IPO9: variants seen among roughly 807,000 people sequenced by gnomAD.
IPO9 encodes the protein importin 9.
IPO9 carries 28 observed loss-of-function variants against 128.6 expected under a neutral mutation model. That is an observed-to-expected ratio of 0.22 (90% confidence interval 0.16 to 0.30). IPO9 has a LOEUF of 0.30. Among genes scored for constraint, IPO9 ranks in the 10% least tolerant of loss-of-function variants. IPO9 has a pLI of 1.00. For synonymous variants in IPO9, 455 were observed against 475.8 expected (o/e 0.96, Z 0.57); for missense variants, 935 against 1,293.9 (o/e 0.72, Z 4.26).
chr1:201,875,301 C>G, intron 23 of IPO9, 73 bp downstream of exon 23: 1 of 1,311,630 alleles, frequency 7.6e-7, no homozygotes, highest in Non-Finnish European at 1.1e-6. Flanking sequence ...GGCTCAAATC[C>G]ATTTATAGCC....
At chr1:201,858,045 CATT>C (rs1680367440) in intron 11 of IPO9, among the ~76,000 whole-genome samples, 1 of 152,198 alleles carries the variant, frequency 6.6e-6, no homozygotes, top group Admixed American at 6.5e-5. Context: ...AATCACTTCT[CATT>C]ATCATTTAGT....
chr1:201,863,406 A>G, intron 13 of IPO9, 42 bp from the exon 14 acceptor site: 1 of 1,504,046 alleles, frequency 6.6e-7, no homozygotes, highest in Non-Finnish European at 9.0e-7. Flanking sequence ...AGTAAAAGGA[A>G]TTTTCATTTT....
chr1:201,867,102 TA>T, intron 15 of IPO9, 143 bp downstream of exon 15: 1 of 664,806 alleles, frequency 1.5e-6, no homozygotes, highest in East Asian at 2.7e-5. Context: ...GGCTTTCAAT[TA>T]GCAAAAAATA....
chr1:201,838,332 G>A (rs1389331369), intron 1 of IPO9, among the ~76,000 whole-genome samples: 1 of 152,184 alleles, frequency 6.6e-6, no homozygotes, highest in Non-Finnish European at 1.5e-5. Context: ...GATTTCACAT[G>A]TGCATTTTAG....
chr1:201,830,301 T>C (rs1679809485), intron 1 of IPO9, among the ~76,000 whole-genome samples: 1 of 152,210 alleles, frequency 6.6e-6, no homozygotes, highest in Non-Finnish European at 1.5e-5. Flanking sequence ...ACTTAAATAC[T>C]TCATCAGAGA....
chr1:201,870,902 A>G lies in IPO9; in HGVS notation c.2409+44A>G. ...GTGGGCTTCCTACTCCCTGGCTGAT[A>G]GAAATGAAAATTCGTATTTTGGTCC... On this transcript the variant is annotated intron_variant, in intron 18 of 23. Coordinates refer to ENST00000361565, the MANE Select transcript of IPO9 (RefSeq NM_018085.5). The surrounding 1 kb of genome is among the most constrained non-coding windows in gnomAD (Gnocchi z 4.9). 1.3e-6 allele frequency: 2 copies of G among 1,550,814 alleles called. No individual in the cohort carries two copies. The highest frequency in any genetic ancestry group is 1.7e-6 in the Non-Finnish European group (2 of 1,153,736).
intron 13 of IPO9, among the ~76,000 whole-genome samples, chr1:201,860,774 T>C (rs1680429099): frequency 6.6e-6 from 1 of 152,198 alleles, no homozygotes; most frequent in Admixed American, 6.5e-5. Flanking sequence ...TGAGTTGTTT[T>C]TAAAATAAAA....
chr1:201,835,719 C>A (rs147690285), intron 1 of IPO9, among the ~76,000 whole-genome samples: 1 of 152,130 alleles, frequency 6.6e-6, no homozygotes, highest in African/African-American at 2.4e-5. Context: ...CAAAATAAAG[C>A]GGATATTTAT....
Position 201,882,474 on chromosome 1 carries a change from TAA to T in IPO9, c.*6421_*6422del, listed in dbSNP as rs1475797004. ...AAAAAAAAAACAAGTTTTGTGAATTTAAGTTTCCCTAATGGATGGTACAGGTC... is the reference window on the plus strand; with the variant it reads ...AAAAAAAAAACAAGTTTTGTGAATTTGTTTCCCTAATGGATGGTACAGGTC... On this transcript the variant is annotated 3_prime_UTR_variant, in exon 24 of 24. Coordinates refer to ENST00000361565, the MANE Select transcript of IPO9 (RefSeq NM_018085.5). 6.6e-6 allele frequency: 1 copy of T among 151,078 alleles called. No individual in the cohort carries two copies. The highest frequency in any genetic ancestry group is 2.4e-5 in the African/African-American group (1 of 41,126). The allele number at this position is 151,078 out of a possible 1,614,324, so 9.4% of individuals were successfully genotyped here. A position where few individuals can be genotyped will look rare whatever the true frequency, so the allele number is the denominator to read the frequency against.
intron 4 of IPO9, chr1:201,850,310 C>T (rs942863846): frequency 2.0e-5 from 3 of 152,174 alleles, no homozygotes; most frequent in South Asian, 2.1e-4. Context: ...AAAACTTAGG[C>T]ATGCATGAAG....
intron 1 of IPO9, among the ~76,000 whole-genome samples, chr1:201,836,916 TAAC>T (rs1258834646): frequency 1.3e-5 from 2 of 152,348 alleles, no homozygotes; most frequent in African/African-American, 2.4e-5. Context: ...TGTCTTTAGT[TAAC>T]AATGATGATG....
rs1680874599 is a variant in IPO9, at chr1:201,881,041, G to A, written c.*4987G>A. ...TTGGGATGTAGCCCCATTATAAGCT[G>A]AAAAGCATCTGTAGTATAATAAATG... On this transcript the variant is annotated 3_prime_UTR_variant, in exon 24 of 24. Coordinates refer to ENST00000361565, the MANE Select transcript of IPO9 (RefSeq NM_018085.5). 1 of 152,282 alleles carries A rather than the reference G, an allele frequency of 6.6e-6. No homozygotes were observed. The highest frequency in any genetic ancestry group is 2.1e-4 in the South Asian group (1 of 4,826). The allele number at this position is 152,282 out of a possible 1,614,324, so 9.4% of individuals were successfully genotyped here. A position where few individuals can be genotyped will look rare whatever the true frequency, so the allele number is the denominator to read the frequency against.
At chr1:201,868,867 C>G in intron 16 of IPO9, 71 bp downstream of exon 16, 2 of 1,488,508 alleles carry the variant, frequency 1.3e-6, no homozygotes, top group East Asian at 4.9e-5. Flanking sequence ...ATGCATCTAG[C>G]TGACAAGAAC....
intron 10 of IPO9, among the ~76,000 whole-genome samples, 161 bp from the exon 11 acceptor site, chr1:201,856,935 C>T (rs935440036): frequency 6.6e-6 from 1 of 152,240 alleles, no homozygotes; most frequent in African/African-American, 2.4e-5. Context: ...AGTCCTCCCA[C>T]CTTGGCCTCC....
At chr1:201,837,847 G>A (rs1046032337) in intron 1 of IPO9, among the ~76,000 whole-genome samples, 1 of 152,170 alleles carries the variant, frequency 6.6e-6, no homozygotes, top group Non-Finnish European at 1.5e-5. Flanking sequence ...GAGGCGGGCG[G>A]ATCACTTGAG....
At chr1:201,839,029 C>T (rs960676072) in intron 1 of IPO9, among the ~76,000 whole-genome samples, 2 of 151,226 alleles carry the variant, frequency 1.3e-5, no homozygotes, top group African/African-American at 4.9e-5. Flanking sequence ...AAGCGATTCT[C>T]CTGCCTCAGC....
At chr1:201,859,102 G>A in intron 13 of IPO9, 108 bp downstream of exon 13, 2 of 1,038,732 alleles carry the variant, frequency 1.9e-6, no homozygotes, top group Non-Finnish European at 2.7e-6. Context: ...CAAGTTAATG[G>A]GTGCAGCACA....
chr1:201,868,364 CTT>C (rs145205104), intron 15 of IPO9, among the ~76,000 whole-genome samples: 3,591 of 149,170 alleles, frequency 0.024, 123 homozygotes, highest in African/African-American at 0.084. Context: ...AGAATAAAGA[CTT>C]TAAAGATTTT....
intron 1 of IPO9, among the ~76,000 whole-genome samples, chr1:201,840,979 C>T (rs1010071287): frequency 6.6e-6 from 1 of 152,030 alleles, no homozygotes; most frequent in Non-Finnish European, 1.5e-5. Context: ...GAAGAAGTGG[C>T]ACTTCTTGGA....
Sources: gnomAD v4.1 joint callset for allele counts (sites outside exome capture counted in the v4.1 genomes callset) on GRCh38, gnomAD v4.1.1 for gene constraint, Gnocchi (gnomAD v3.1) non-coding constraint, MANE v1.5 for transcripts, NCBI Gene and HGNC (gene_info 2026-07-23, HGNC 2026-07-21) for gene names.